The following KHDRBS2 variants were observed in gnomAD, a reference collection of about 807,000 sequenced individuals.
KHDRBS2 encodes the protein KH RNA binding domain containing, signal transduction associated 2, also known as KH domain-containing, RNA-binding, signal transduction-associated protein 2.
Under a neutral mutation model 44.3 loss-of-function variants are expected in KHDRBS2, and 26 were observed. That is an observed-to-expected ratio of 0.59 (90% confidence interval 0.43 to 0.81). The LOEUF is 0.81. KHDRBS2 is among the 40% of genes least tolerant of loss of function. The probability of loss-of-function intolerance (pLI) is 0.00; values close to 1 mark genes in which losing one functional copy is unlikely to be tolerated. For synonymous variants in KHDRBS2, 194 were observed against 151.1 expected (o/e 1.28, Z -2.08); for missense variants, 476 against 433.1 (o/e 1.10, Z -0.88).
chr6:62,032,110 C>A (rs977278525), intron 3 of KHDRBS2, among the ~76,000 whole-genome samples: 1 of 152,076 alleles, frequency 6.6e-6, no homozygotes, highest in African/African-American at 2.4e-5. Context: ...CCAGAGAATT[C>A]TCCTGGATCC....
chr6:61,621,091 C>T, the KHDRBS2 span, among the ~76,000 whole-genome samples: 10 of 152,128 alleles, frequency 6.6e-5, no homozygotes, highest in African/African-American at 2.4e-4. Flanking sequence ...TATGATGGGG[C>T]TGGGGACTAC....
intron 1 of KHDRBS2, among the ~76,000 whole-genome samples, chr6:62,200,630 G>C (rs1826757923): frequency 6.6e-6 from 1 of 152,210 alleles, no homozygotes; most frequent in African/African-American, 2.4e-5. Context: ...TTTTTACACT[G>C]TTGGTGGGAC....
intron 1 of KHDRBS2, among the ~76,000 whole-genome samples, chr6:62,227,692 T>C (rs757346553): frequency 6.6e-6 from 1 of 152,202 alleles, no homozygotes; most frequent in Non-Finnish European, 1.5e-5. Context: ...TTTTGAGATA[T>C]GTTCTATCAA....
intron 1 of KHDRBS2, among the ~76,000 whole-genome samples, chr6:62,245,309 T>C (rs544488634): frequency 2.6e-5 from 4 of 152,166 alleles, no homozygotes; most frequent in African/African-American, 9.6e-5. Flanking sequence ...AAAAAGAAAA[T>C]TTTAATTGAA....
chr6:62,149,832 A>G (rs1211454103), intron 2 of KHDRBS2, among the ~76,000 whole-genome samples: 1 of 152,200 alleles, frequency 6.6e-6, no homozygotes, highest in East Asian at 1.9e-4. Context: ...TTTCACCAGC[A>G]TTTCATCAGC....
intron 1 of KHDRBS2, among the ~76,000 whole-genome samples, chr6:62,232,944 A>G (rs1833119301): frequency 6.6e-6 from 1 of 152,178 alleles, no homozygotes; most frequent in African/African-American, 2.4e-5. Flanking sequence ...ACCAAAGAGT[A>G]GCACTTACAG....
intron 1 of KHDRBS2, among the ~76,000 whole-genome samples, chr6:62,200,751 T>C (rs986485486): frequency 2.8e-4 from 43 of 152,130 alleles, no homozygotes; most frequent in African/African-American, 9.4e-4. Flanking sequence ...ACCCAAAGGA[T>C]TATAAATCAT....
chr6:61,865,699 TC>T (rs1273302168), intron 6 of KHDRBS2, among the ~76,000 whole-genome samples: 1 of 152,150 alleles, frequency 6.6e-6, no homozygotes, highest in East Asian at 1.9e-4. Flanking sequence ...AAGTCTTAAT[TC>T]ATTTCAGCAT....
At chr6:61,940,039 A>C (rs1179256927) in intron 4 of KHDRBS2, among the ~76,000 whole-genome samples, 1 of 152,142 alleles carries the variant, frequency 6.6e-6, no homozygotes, top group East Asian at 1.9e-4. Context: ...GAGAAACATA[A>C]GAATTCATTA....
intron 4 of KHDRBS2, among the ~76,000 whole-genome samples, chr6:61,965,719 A>C (rs1476986569): frequency 2.6e-5 from 4 of 151,914 alleles, no homozygotes; most frequent in Non-Finnish European, 5.9e-5. Context: ...GAGATTCTGG[A>C]CTATGGTAAA....
intron 6 of KHDRBS2, among the ~76,000 whole-genome samples, chr6:61,845,938 A>G (rs1794343288): frequency 1.3e-5 from 2 of 152,182 alleles, no homozygotes; most frequent in Admixed American, 1.3e-4. Context: ...CAGATTTCTC[A>G]TGAACTGTTC....
At chr6:62,026,028 T>C (rs1041546723) in intron 3 of KHDRBS2, among the ~76,000 whole-genome samples, 1 of 152,132 alleles carries the variant, frequency 6.6e-6, no homozygotes, top group Non-Finnish European at 1.5e-5. Flanking sequence ...ATTATTAGTA[T>C]TCAAATTATT....
At chr6:61,711,404 G>T (rs1770494734) in intron 7 of KHDRBS2, among the ~76,000 whole-genome samples, 1 of 151,728 alleles carries the variant, frequency 6.6e-6, no homozygotes, top group Non-Finnish European at 1.5e-5. Flanking sequence ...TTCAAAACCA[G>T]CAATAAGAAG....
chr6:62,247,601 T>C (rs1269683614), intron 1 of KHDRBS2, among the ~76,000 whole-genome samples: 2 of 152,016 alleles, frequency 1.3e-5, no homozygotes, highest in African/African-American at 4.8e-5. Flanking sequence ...ATTCCAGACC[T>C]TCCTGCTCCA....
chr6:62,099,704 T>A (rs1442815876), intron 2 of KHDRBS2, among the ~76,000 whole-genome samples: 2 of 152,102 alleles, frequency 1.3e-5, no homozygotes, highest in Non-Finnish European at 2.9e-5. Context: ...TCATGCTTGC[T>A]TCACAGTCAC....
At chr6:62,027,903 T>C (rs1562674179) in intron 3 of KHDRBS2, among the ~76,000 whole-genome samples, 1 of 152,108 alleles carries the variant, frequency 6.6e-6, no homozygotes, top group South Asian at 2.1e-4. Flanking sequence ...AAGTAAATTG[T>C]TTTCCTGAGT....
At chr6:61,594,728 T>C in the KHDRBS2 span, among the ~76,000 whole-genome samples, 1 of 152,092 alleles carries the variant, frequency 6.6e-6, no homozygotes, top group African/African-American at 2.4e-5. Context: ...ACATATCAAA[T>C]AAATATGTTT....
At chr6:61,942,540 G>T (rs1812336263) in intron 4 of KHDRBS2, among the ~76,000 whole-genome samples, 1 of 151,646 alleles carries the variant, frequency 6.6e-6, no homozygotes, top group Non-Finnish European at 1.5e-5. Flanking sequence ...CAAAAATAAA[G>T]AATAAAAAAG....
chr6:62,184,544 T>C (rs370441180), intron 1 of KHDRBS2, among the ~76,000 whole-genome samples: 3 of 151,946 alleles, frequency 2.0e-5, no homozygotes, highest in African/African-American at 7.2e-5. Flanking sequence ...GTCCTTAATG[T>C]AGCTTTACAT....
Sources: gnomAD v4.1 joint callset for allele counts (sites outside exome capture counted in the v4.1 genomes callset) on GRCh38, gnomAD v4.1.1 for gene constraint, MANE v1.5 for transcripts, NCBI Gene and HGNC (gene_info 2026-07-23, HGNC 2026-07-21) for gene names.